C2orf42: variants seen among roughly 807,000 people sequenced by gnomAD.
C2orf42 encodes the protein uncharacterized protein C2orf42.
A neutral mutation model predicts 58.9 loss-of-function variants in C2orf42; 44 were observed. The ratio of observed to expected loss-of-function variants is 0.75; its 90% CI spans 0.59 to 0.96. C2orf42 has a LOEUF of 0.96. Ranked by LOEUF, C2orf42 falls within the 40% of genes least tolerant of loss-of-function variation. The pLI is 0.00. For missense variants in C2orf42, 630 were observed against 699.2 expected (o/e 0.90, Z 1.12); for synonymous variants, 239 against 265.4 (o/e 0.90, Z 0.97).
chr2:70,190,107 T>C (rs762940422), intron 1 of C2orf42: 1 of 152,228 alleles, frequency 6.6e-6, no homozygotes, highest in Non-Finnish European at 1.5e-5. Flanking sequence ...CATGTACTAG[T>C]ATTACTTCCT....
chr2:70,189,156 C>A (rs1003899266), intron 1 of C2orf42, among the ~76,000 whole-genome samples: 1 of 151,896 alleles, frequency 6.6e-6, no homozygotes, highest in African/African-American at 2.4e-5. Flanking sequence ...ACCTGTAATC[C>A]CAGCACTTTG....
chr2:70,150,501 A>C lies in C2orf42; in HGVS notation c.1580T>G (p.Leu527Arg). ...CAGCTCGCCAATCTTAGATTGGGGA[A>C]GGATATCTGGGATCCACTCGATGAT... ...PFIIEWIPDI[L>R]PQSKIGELRI... is the part of the protein sequence containing the mutation. Residue 527 changes from leucine to arginine, a missense_variant, in exon 10 of 10, where the codon CTT becomes CGT. Transcript: ENST00000264434. 6.2e-7 allele frequency: 1 copy of C among 1,614,032 alleles called. No individual in the cohort carries two copies. The highest frequency in any genetic ancestry group is 8.5e-7 in the Non-Finnish European group (1 of 1,179,904).
chr2:70,188,249 G>A (rs528218186), intron 1 of C2orf42, among the ~76,000 whole-genome samples: 3 of 151,876 alleles, frequency 2.0e-5, no homozygotes, highest in South Asian at 4.2e-4. Flanking sequence ...GTGCAGTGGC[G>A]TGATCTTGGC....
rs530987707 is a variant in C2orf42 at position 70,182,157 on chromosome 2, C to T, written c.-12-160G>A. Among the ~76,000 whole-genome samples, 441 of 151,894 alleles carry T rather than the reference C, an allele frequency of 2.9e-3. 4 individuals are homozygous for T. Among genetic ancestry groups the T allele is most frequent in the African/African-American group, 0.01 (421 of 41,452 alleles). On this transcript the variant is annotated intron_variant, in intron 2 of 9. Coordinates refer to ENST00000264434, the MANE Select transcript of C2orf42 (RefSeq NM_017880.3). The stretch of plus-strand genomic sequence containing the variant: ...CTCTGTCGCCCAGGCTGGAGTGCAG[C>T]GGCGCGATCTCGGCTCACTGCAACC...
chr2:70,156,352 G>GGT (rs1330698367), intron 9 of C2orf42, among the ~76,000 whole-genome samples: 1 of 152,066 alleles, frequency 6.6e-6, no homozygotes, highest in Non-Finnish European at 1.5e-5. Flanking sequence ...TGGGCCTGGT[G>GGT]GTGTGTGCCT....
At chr2:70,189,943 GAA>G (rs535557067) in intron 1 of C2orf42, among the ~76,000 whole-genome samples, 8,453 of 137,826 alleles carry the variant, frequency 0.061, 757 homozygotes, top group African/African-American at 0.21. Context: ...TCTTTTAAAA[GAA>G]AAAAAAAAAG....
chr2:70,177,097 C>A (rs138689503), intron 4 of C2orf42, among the ~76,000 whole-genome samples: 3,985 of 151,926 alleles, frequency 0.026, 198 homozygotes, highest in African/African-American at 0.092. Flanking sequence ...CATGGTGAAA[C>A]CTCATCTCTA....
intron 5 of C2orf42, among the ~76,000 whole-genome samples, chr2:70,170,092 T>C (rs1673698183): frequency 6.6e-6 from 1 of 151,564 alleles, no homozygotes; most frequent in African/African-American, 2.4e-5. Flanking sequence ...TTTGTCATGT[T>C]GCCCAGCTGG....
intron 5 of C2orf42, among the ~76,000 whole-genome samples, chr2:70,170,134 G>C (rs1673702117): frequency 6.7e-6 from 1 of 148,880 alleles, no homozygotes; most frequent in African/African-American, 2.5e-5. Flanking sequence ...CAATCCACCT[G>C]CCTCAGCCTT....
rs1674541287 is a variant in C2orf42, at chr2:70,181,219, G to T, written c.767C>A (p.Ala256Asp). 1 of 1,596,398 alleles carries T rather than the reference G, an allele frequency of 6.3e-7. No individual in the cohort carries two copies. The highest frequency in any genetic ancestry group is 8.6e-7 in the Non-Finnish European group (1 of 1,166,822). ...IHFFACICAF[A>D]SDETLAQEFS... ...TTCCTGAGCCAGTGTCTCATCACTG[G>T]CAAAGGCACAGATGCAAGCAAAGAA... Residue 256 changes from alanine to aspartate, a missense_variant, in exon 3 of 10, where the codon GCC becomes GAC. Coordinates refer to ENST00000264434, the MANE Select transcript of C2orf42 (RefSeq NM_017880.3).
At chr2:70,155,138 G>A (rs1672579961) in intron 9 of C2orf42, among the ~76,000 whole-genome samples, 3 of 152,090 alleles carry the variant, frequency 2.0e-5, no homozygotes, top group Admixed American at 1.3e-4. Context: ...CAGCTACTAA[G>A]GAGGCTGAGG....
rs754665910 is a variant in C2orf42 at position 70,175,689 on chromosome 2, G to C, written c.1023C>G (p.Ser341=). Reference sequence around the variant, plus strand: ...GAAACTTACCCTGCCTTTTTAACGAGGAAGCAACCACAGGCTTTTTCAGGC... The same window carrying C: ...GAAACTTACCCTGCCTTTTTAACGACGAAGCAACCACAGGCTTTTTCAGGC... The part of the protein sequence containing the change: ...KSGLKKPVVA[S]SLKRQACGQL... The change falls in exon 5 of 10, where the codon TCC becomes TCG. Residue 341 remains serine (S), a synonymous_variant. Coordinates refer to ENST00000264434, the MANE Select transcript of C2orf42 (RefSeq NM_017880.3). 7 of 1,609,256 alleles carry C rather than the reference G, an allele frequency of 4.3e-6. No homozygotes were observed. The African/African-American group carries it at 5.3e-5, about 12-fold the overall frequency.
In C2orf42 at chr2:70,181,199, G is replaced by T; in HGVS notation, c.787C>A (p.Gln263Lys). The T allele has an allele frequency of 6.3e-7, 1 of 1,579,392 alleles. No homozygotes were observed. The highest frequency in any genetic ancestry group is 2.3e-5 in the East Asian group (1 of 44,206). Residue 263 changes from glutamine (Q) to lysine (K), a missense_variant, in exon 3 of 10, where the codon CAG becomes AAG. Physicochemically the swap from Gln to Lys is moderately conservative, Grantham distance 53 (BLOSUM62 1). Coordinates refer to ENST00000264434, the MANE Select transcript of C2orf42 (RefSeq NM_017880.3). ...CAFASDETLA[Q>K]EFSDFLNFDS... ...AAATTTAGGAAGTCTGAGAATTCCT[G>T]AGCCAGTGTCTCATCACTGGCAAAG...
Position 70,179,069 on chromosome 2 carries a change from T to C in C2orf42, c.934+463A>G, listed in dbSNP as rs144387620. On this transcript the variant is annotated intron_variant, in intron 4 of 9. Coordinates refer to ENST00000264434, the MANE Select transcript of C2orf42 (RefSeq NM_017880.3). Reference sequence around the variant, plus strand: ...TCACAAAATTTTTTTAAACACTCTATGGATGAAAACTTCATAATACTATCC... The same window carrying C: ...TCACAAAATTTTTTTAAACACTCTACGGATGAAAACTTCATAATACTATCC... Among the ~76,000 whole-genome samples, 15 of 152,314 alleles carry C rather than the reference T, an allele frequency of 9.8e-5. No homozygotes were observed. The East Asian group carries it at 2.9e-3, about 29-fold the overall frequency.
Position 70,175,164 on chromosome 2 carries a change from G to A in C2orf42, c.1039+509C>T, listed in dbSNP as rs776771724. 4.6e-5 allele frequency among the ~76,000 whole-genome samples: 7 copies of A among 152,018 alleles called. No individual in the cohort carries two copies. The East Asian group carries it at 5.8e-4, about 13-fold the overall frequency. ...TTAGGTAGAGACAGGGTTTTGCCAC[G>A]TTGGCCAGGCTGGCCTCGAACTGCT... On this transcript the variant is annotated intron_variant, in intron 5 of 9. Transcript: ENST00000264434.
intron 6 of C2orf42, among the ~76,000 whole-genome samples, chr2:70,166,600 C>T (rs1283098197): frequency 6.6e-6 from 1 of 150,776 alleles, no homozygotes; most frequent in Non-Finnish European, 1.5e-5. Flanking sequence ...CGCTTGAACC[C>T]AGGAGGCAGA....
At chr2:70,154,414 T>TAAAAAAAAAAAA (rs36028499) in intron 9 of C2orf42, among the ~76,000 whole-genome samples, 1 of 25,566 alleles carries the variant, frequency 3.9e-5, no homozygotes, top group African/African-American at 1.5e-4. Context: ...AAATTTTTAC[T>TAAAAAAAAAAAA]AAAAAAAAAA....
intron 9 of C2orf42, among the ~76,000 whole-genome samples, chr2:70,158,656 G>T (rs541145811): frequency 6.6e-6 from 1 of 152,136 alleles, no homozygotes; most frequent in Non-Finnish European, 1.5e-5. Flanking sequence ...CACCATGTTG[G>T]CCAGGATGGC....
At chr2:70,154,787 GCTCTGTCA>G (rs1287095223) in intron 9 of C2orf42, among the ~76,000 whole-genome samples, 1 of 151,850 alleles carries the variant, frequency 6.6e-6, no homozygotes, top group African/African-American at 2.4e-5. Flanking sequence ...ACAAGGTCTT[GCTCTGTCA>G]CCTAGGCTGG....
Sources: allele counts gnomAD v4.1 joint callset (sites outside exome capture counted in the v4.1 genomes callset), GRCh38; gene constraint gnomAD v4.1.1; transcripts MANE v1.5; gene names NCBI Gene and HGNC (gene_info 2026-07-23, HGNC 2026-07-21).